Variants in TTC28 observed in about 807,000 individuals in gnomAD.
TTC28 encodes the protein tetratricopeptide repeat protein 28.
In TTC28, 61 loss-of-function variants were observed where a neutral mutation model predicts 198.0. That is an observed-to-expected ratio of 0.31 (90% CI 0.25 to 0.38). TTC28 has a LOEUF of 0.38. Ranked by LOEUF, TTC28 falls within the 10% of genes least tolerant of loss-of-function variation. The probability of loss-of-function intolerance (pLI) is 1.00; values close to 1 mark genes in which losing one functional copy is unlikely to be tolerated. For synonymous variants in TTC28, 1,171 were observed against 1,297.8 expected (o/e 0.90, Z 2.10); for missense variants, 2,678 against 3,164.0 (o/e 0.85, Z 3.69).
chr22:28,037,308 G>C (rs146623084), intron 12 of TTC28, among the ~76,000 whole-genome samples: 8,876 of 152,196 alleles, frequency 0.058, 365 homozygotes, highest in Non-Finnish European at 0.083. Flanking sequence ...ACATCAAAAA[G>C]CTTATCCAAC....
intron 2 of TTC28, among the ~76,000 whole-genome samples, chr22:28,573,638 A>G (rs1314664597): frequency 4.6e-5 from 7 of 152,122 alleles, no homozygotes; most frequent in Non-Finnish European, 5.9e-5. Context: ...CGTAATAATC[A>G]CAGCAGGGTA....
chr22:28,085,652 C>T (rs1941560380), intron 12 of TTC28, among the ~76,000 whole-genome samples: 1 of 152,072 alleles, frequency 6.6e-6, no homozygotes, highest in Non-Finnish European at 1.5e-5. Flanking sequence ...ATCAAATTCA[C>T]ACATAACAAT....
chr22:28,425,977 G>A (rs2047343575), intron 2 of TTC28, among the ~76,000 whole-genome samples: 2 of 152,260 alleles, frequency 1.3e-5, no homozygotes, highest in Non-Finnish European at 1.5e-5. Context: ...CTGAGAGGTT[G>A]AGGCAGATGG....
At chr22:28,262,580 T>C (rs961283384) in intron 5 of TTC28, among the ~76,000 whole-genome samples, 1 of 152,152 alleles carries the variant, frequency 6.6e-6, no homozygotes, top group Non-Finnish European at 1.5e-5. Flanking sequence ...CCGATTTCTA[T>C]AGCTTCCCCT....
chr22:28,192,831 T>A (rs1924963610), intron 5 of TTC28, among the ~76,000 whole-genome samples: 2 of 152,152 alleles, frequency 1.3e-5, no homozygotes, highest in South Asian at 2.1e-4. Context: ...TACCTGAAAG[T>A]GACTGAGAGA....
At chr22:28,632,179 C>A (rs2051183830) in intron 1 of TTC28, among the ~76,000 whole-genome samples, 1 of 150,524 alleles carries the variant, frequency 6.6e-6, no homozygotes, top group African/African-American at 2.4e-5. Flanking sequence ...GATATTATAT[C>A]CTGATTTCCA....
intron 5 of TTC28, among the ~76,000 whole-genome samples, chr22:28,264,632 C>T (rs1295016078): frequency 6.6e-6 from 1 of 152,026 alleles, no homozygotes; most frequent in African/African-American, 2.4e-5. Context: ...CACGCACACA[C>T]GCATGCACGT....
intron 2 of TTC28, among the ~76,000 whole-genome samples, chr22:28,544,926 C>T (rs1301057341): frequency 1.3e-5 from 2 of 152,188 alleles, no homozygotes; most frequent in Non-Finnish European, 2.9e-5. Context: ...CCTTGTAGAG[C>T]ATATAATCAA....
At chr22:28,609,972 G>A (rs1569057822) in intron 2 of TTC28, among the ~76,000 whole-genome samples, 1 of 152,184 alleles carries the variant, frequency 6.6e-6, no homozygotes, top group Non-Finnish European at 1.5e-5. Context: ...AAGCCACCAG[G>A]AAGTTCAAAC....
intron 12 of TTC28, among the ~76,000 whole-genome samples, chr22:28,070,442 G>C (rs936781542): frequency 6.6e-6 from 1 of 152,114 alleles, no homozygotes; most frequent in African/African-American, 2.4e-5. Flanking sequence ...CAACCCCAAA[G>C]AAATTTCTGT....
chr22:28,588,298 G>C (rs2050357832), intron 2 of TTC28, among the ~76,000 whole-genome samples: 1 of 152,074 alleles, frequency 6.6e-6, no homozygotes, highest in African/African-American at 2.4e-5. Flanking sequence ...TGTCATTTAA[G>C]CTTGGCTTTG....
intron 2 of TTC28, among the ~76,000 whole-genome samples, chr22:28,367,554 T>C (rs780217931): frequency 4.0e-5 from 6 of 151,494 alleles, no homozygotes; most frequent in Non-Finnish European, 7.4e-5. Flanking sequence ...GAACCCAAAA[T>C]TAATAGAGAA....
intron 5 of TTC28, among the ~76,000 whole-genome samples, chr22:28,288,812 CAA>C (rs397953776): frequency 5.3e-5 from 6 of 112,756 alleles, no homozygotes; most frequent in African/African-American, 3.9e-5. Flanking sequence ...GACTCCGTTT[CAA>C]AAAAAAAAAA....
chr22:28,660,838 T>C (rs1032446937), intron 1 of TTC28, among the ~76,000 whole-genome samples: 1 of 150,482 alleles, frequency 6.6e-6, no homozygotes, highest in East Asian at 2.0e-4. Context: ...TTTGTATTTT[T>C]AGTAGAGATG....
chr22:28,094,926 CA>C (rs926353624), intron 11 of TTC28, among the ~76,000 whole-genome samples: 1 of 152,072 alleles, frequency 6.6e-6, no homozygotes, highest in Admixed American at 6.6e-5. Context: ...TTAGCGCCCC[CA>C]GTGAAAGCTT....
intron 2 of TTC28, among the ~76,000 whole-genome samples, chr22:28,358,811 A>T (rs1034592001): frequency 6.6e-6 from 1 of 152,144 alleles, no homozygotes; most frequent in African/African-American, 2.4e-5. Context: ...GTGAATGAGG[A>T]CCACTATGAT....
At chr22:28,126,580 T>A (rs1230860150) in intron 6 of TTC28, among the ~76,000 whole-genome samples, 1 of 152,232 alleles carries the variant, frequency 6.6e-6, no homozygotes, top group African/African-American at 2.4e-5. Context: ...GTTCTGTGCC[T>A]TATTCTTCTA....
chr22:28,568,424 T>G (rs1328864283), intron 2 of TTC28, among the ~76,000 whole-genome samples: 3 of 152,118 alleles, frequency 2.0e-5, no homozygotes, highest in Non-Finnish European at 4.4e-5. Flanking sequence ...TCAAACTATC[T>G]CTCTTCACAG....
chr22:28,255,884 T>C (rs1255404960), intron 5 of TTC28, among the ~76,000 whole-genome samples: 2 of 152,044 alleles, frequency 1.3e-5, no homozygotes, highest in South Asian at 2.1e-4. Context: ...TATTTTTGGA[T>C]TGTTTGTTAT....
Sources: allele counts gnomAD v4.1 joint callset (sites outside exome capture counted in the v4.1 genomes callset), GRCh38; gene constraint gnomAD v4.1.1; transcripts MANE v1.5; gene names NCBI Gene and HGNC (gene_info 2026-07-23, HGNC 2026-07-21).